RGS6: variants seen among roughly 807,000 people sequenced by gnomAD.
RGS6 encodes the protein regulator of G-protein signaling 6.
RGS6 carries 30 observed loss-of-function variants against 78.5 expected under a neutral mutation model. The observed-to-expected ratio is 0.38, with a 90% confidence interval of 0.29 to 0.52. The LOEUF (loss-of-function observed/expected upper bound fraction) is 0.52. RGS6 is among the 20% of genes least tolerant of loss of function. The pLI is 0.85. For synonymous variants in RGS6, 206 were observed against 206.0 expected (o/e 1.00, Z 0.00); for missense variants, 495 against 609.7 (o/e 0.81, Z 1.98).
intron 1 of RGS6, among the ~76,000 whole-genome samples, chr14:71,947,241 A>G (rs1300822176): frequency 2.0e-5 from 3 of 152,156 alleles, no homozygotes; most frequent in Non-Finnish European, 2.9e-5. Flanking sequence ...GGATAGATAC[A>G]TCTTGGGGTA....
At chr14:72,303,897 C>A (rs1182571800) in intron 2 of RGS6, among the ~76,000 whole-genome samples, 1 of 152,140 alleles carries the variant, frequency 6.6e-6, no homozygotes, top group Non-Finnish European at 1.5e-5. Flanking sequence ...TAATGTAGTG[C>A]CTTTGAGCCC....
the RGS6 span, among the ~76,000 whole-genome samples, chr14:71,893,720 A>G: frequency 2.6e-5 from 4 of 152,186 alleles, no homozygotes; most frequent in South Asian, 2.1e-4. Context: ...GGATAAATAC[A>G]TATGTACCAT....
intron 13 of RGS6, among the ~76,000 whole-genome samples, chr14:72,509,765 G>T (rs755990790): frequency 3.3e-5 from 5 of 152,188 alleles, no homozygotes; most frequent in African/African-American, 4.8e-5. Flanking sequence ...GGAGGTGGAG[G>T]ATAGTGTGTT....
intron 3 of RGS6, among the ~76,000 whole-genome samples, chr14:72,374,139 T>A (rs1304456249): frequency 6.6e-6 from 1 of 152,192 alleles, no homozygotes; most frequent in South Asian, 2.1e-4. Context: ...GTGCACAACA[T>A]GCAGGTTTGT....
chr14:71,911,761 G>C, the RGS6 span, among the ~76,000 whole-genome samples: 1 of 152,210 alleles, frequency 6.6e-6, no homozygotes, highest in Non-Finnish European at 1.5e-5. Flanking sequence ...GCAGCCTGCT[G>C]GCTGGCCATC....
chr14:72,373,896 GA>G (rs2084038083), intron 3 of RGS6, among the ~76,000 whole-genome samples: 1 of 151,660 alleles, frequency 6.6e-6, no homozygotes, highest in Non-Finnish European at 1.5e-5. Context: ...ATAAAATTAT[GA>G]AAACAATTTT....
chr14:72,261,455 T>C (rs370779802), intron 2 of RGS6, among the ~76,000 whole-genome samples: 2 of 61,140 alleles, frequency 3.3e-5, no homozygotes, highest in South Asian at 4.8e-4. Context: ...ACTATACTTT[T>C]AGTAAGTGAG....
rs2096524286 is a variant in RGS6 at position 72,140,462 on chromosome 14, C to T, written c.84+175587C>T. On this transcript the variant is annotated intron_variant, in intron 2 of 17. Coordinates refer to ENST00000553525, the MANE Select transcript of RGS6 (RefSeq NM_001204424.2). ...GATGTTAATGGGTTAGAAGCTGGTACTAGAATCAGAATGATAGGCCATAGG... is the reference window on the plus strand; with the variant it reads ...GATGTTAATGGGTTAGAAGCTGGTATTAGAATCAGAATGATAGGCCATAGG... Among the ~76,000 whole-genome samples the T allele has an allele frequency of 2.0e-5, 3 of 152,116 alleles. No individual in the cohort carries two copies. The South Asian group carries it at 6.2e-4, about 32-fold the overall frequency.
intron 4 of RGS6, among the ~76,000 whole-genome samples, chr14:72,456,840 G>T (rs1225762690): frequency 6.6e-6 from 1 of 151,956 alleles, no homozygotes; most frequent in Non-Finnish European, 1.5e-5. Context: ...CTCTTTGGGA[G>T]GCTCAGCTGG....
At chr14:72,020,231 A>G (rs2088091231) in intron 2 of RGS6, among the ~76,000 whole-genome samples, 1 of 152,238 alleles carries the variant, frequency 6.6e-6, no homozygotes, top group African/African-American at 2.4e-5. Flanking sequence ...CTCTGCCAGA[A>G]TCTGGATTTC....
chr14:72,582,761 G>A, the RGS6 span, among the ~76,000 whole-genome samples: 1 of 152,134 alleles, frequency 6.6e-6, no homozygotes, highest in Non-Finnish European at 1.5e-5. Flanking sequence ...ACATGGCTAT[G>A]ATGCAATGAC....
At chr14:72,450,098 G>A (rs566326169) in intron 3 of RGS6, among the ~76,000 whole-genome samples, 44 of 151,918 alleles carry the variant, frequency 2.9e-4, no homozygotes, top group Non-Finnish European at 1.9e-4. Flanking sequence ...GATGCCTCCC[G>A]CTCCCCAAAA....
intron 14 of RGS6, 119 bp from the exon 15 acceptor site, chr14:72,518,232 A>C: frequency 1.1e-6 from 1 of 884,970 alleles, no homozygotes. Context: ...TAGTGGCATC[A>C]GGGCAGGCTG....
chr14:72,427,068 A>G lies in RGS6; in HGVS notation c.185-27460A>G, dbSNP rs538292032. ...CACATCCCTGGCTGAGCTCCTGGCC[A>G]TCAGCCTAATTTGCTGGCCATGTGA... On this transcript the variant is annotated intron_variant, in intron 3 of 17. Transcript: ENST00000553525. Among the ~76,000 whole-genome samples the G allele has an allele frequency of 2.6e-5, 4 of 152,328 alleles. No individual in the cohort carries two copies. The South Asian group carries it at 8.3e-4, about 32-fold the overall frequency.
At chr14:71,889,265 C>T in the RGS6 span, among the ~76,000 whole-genome samples, 1 of 152,018 alleles carries the variant, frequency 6.6e-6, no homozygotes, top group East Asian at 1.9e-4. Context: ...GGGCAAGGCA[C>T]AGACAGAAAT....
chr14:72,440,066 G>A (rs185698161), intron 3 of RGS6, among the ~76,000 whole-genome samples: 9 of 152,318 alleles, frequency 5.9e-5, no homozygotes, highest in African/African-American at 1.4e-4. Context: ...TAGCATCCAC[G>A]TGATGCTGCT....
chr14:72,373,582 G>T (rs1423181950), intron 3 of RGS6, among the ~76,000 whole-genome samples: 3 of 152,262 alleles, frequency 2.0e-5, no homozygotes, highest in Non-Finnish European at 4.4e-5. Flanking sequence ...AATTGAGTAG[G>T]GTGGCAGTCA....
At chr14:72,171,709 T>C (rs1259831597) in intron 2 of RGS6, among the ~76,000 whole-genome samples, 1 of 152,228 alleles carries the variant, frequency 6.6e-6, no homozygotes, top group African/African-American at 2.4e-5. Context: ...TTGTTATTTT[T>C]AGTGGTAGAG....
the RGS6 span, among the ~76,000 whole-genome samples, chr14:71,872,183 G>T: frequency 6.6e-6 from 1 of 152,118 alleles, no homozygotes; most frequent in Admixed American, 6.6e-5. Flanking sequence ...ACTCATGTTC[G>T]TCTCACTAAG....
Sources: gnomAD v4.1 joint callset for allele counts (sites outside exome capture counted in the v4.1 genomes callset) on GRCh38, gnomAD v4.1.1 for gene constraint, MANE v1.5 for transcripts, NCBI Gene and HGNC (gene_info 2026-07-23, HGNC 2026-07-21) for gene names.